NAALADL2: variants seen among roughly 807,000 people sequenced by gnomAD.
NAALADL2 encodes the protein N-acetylated alpha-linked acidic dipeptidase like 2.
NAALADL2 carries 76 observed loss-of-function variants against 87.2 expected under a neutral mutation model. That is an observed-to-expected ratio of 0.87 (90% CI 0.72 to 1.05). The LOEUF is 1.05. Among genes scored for constraint, NAALADL2 ranks in the 50% least tolerant of loss-of-function variants. NAALADL2 has a pLI of 0.00. For synonymous variants in NAALADL2, 354 were observed against 331.0 expected, an observed-to-expected ratio of 1.07 and a Z score of -0.75; for missense variants, 1,089 against 945.8, an observed-to-expected ratio of 1.15 and a Z score of -1.99.
At chr3:175,406,691 T>C (rs1225987431) in intron 5 of NAALADL2, among the ~76,000 whole-genome samples, 3 of 152,190 alleles carry the variant, frequency 2.0e-5, no homozygotes. Flanking sequence ...CTATCCTGTA[T>C]ATATACCATC....
intron 3 of NAALADL2, among the ~76,000 whole-genome samples, chr3:175,239,945 C>T (rs1246907843): frequency 2.0e-5 from 3 of 152,018 alleles, no homozygotes; most frequent in Non-Finnish European, 4.4e-5. Flanking sequence ...TGTAAAAAGT[C>T]GACACATTTA....
intron 2 of NAALADL2, among the ~76,000 whole-genome samples, chr3:175,119,524 CAG>C (rs1187397991): frequency 2.7e-5 from 4 of 149,474 alleles, no homozygotes; most frequent in African/African-American, 4.9e-5. Context: ...GAGGCAGAGA[CAG>C]AGAGGGAGAG....
intron 2 of NAALADL2, among the ~76,000 whole-genome samples, chr3:174,624,366 G>A (rs568393044): frequency 3.4e-4 from 52 of 152,288 alleles, no homozygotes; most frequent in African/African-American, 1.2e-3. Flanking sequence ...GCTCACGCCT[G>A]TAATTCCAGC....
intron 2 of NAALADL2, among the ~76,000 whole-genome samples, chr3:174,609,508 T>C (rs893781157): frequency 7.2e-5 from 11 of 152,084 alleles, no homozygotes; most frequent in African/African-American, 2.2e-4. Flanking sequence ...CAAGCATTCT[T>C]ATACACCAAT....
At chr3:175,261,220 C>A (rs541422899) in intron 4 of NAALADL2, among the ~76,000 whole-genome samples, 8 of 152,168 alleles carry the variant, frequency 5.3e-5, no homozygotes, top group Middle Eastern at 3.4e-3. Context: ...CAACCTGACA[C>A]ATAGTAAAAC....
chr3:175,310,578 C>G (rs1758242116), intron 4 of NAALADL2, among the ~76,000 whole-genome samples: 1 of 151,704 alleles, frequency 6.6e-6, no homozygotes, highest in Admixed American at 6.6e-5. Flanking sequence ...ATTATATATA[C>G]TCTTAGTTAA....
intron 1 of NAALADL2, among the ~76,000 whole-genome samples, chr3:175,013,149 ATATT>A (rs1750236620): frequency 1.6e-5 from 2 of 127,814 alleles, no homozygotes; most frequent in East Asian, 2.1e-4. Context: ...TATGTAATAC[ATATT>A]TATATATAAA....
intron 1 of NAALADL2, among the ~76,000 whole-genome samples, chr3:174,469,454 A>G (rs1424334359): frequency 6.7e-6 from 1 of 148,378 alleles, no homozygotes. Context: ...TTTGAGATGG[A>G]GTCTCGCTCT....
intron 3 of NAALADL2, among the ~76,000 whole-genome samples, chr3:174,811,945 TTAAG>T (rs1446508654): frequency 1.3e-5 from 2 of 152,132 alleles, no homozygotes; most frequent in East Asian, 3.9e-4. Flanking sequence ...TCTGCCTTTT[TTAAG>T]TTTGTGGCAC....
At chr3:175,767,829 A>T (rs1748936259) in intron 13 of NAALADL2, among the ~76,000 whole-genome samples, 1 of 152,144 alleles carries the variant, frequency 6.6e-6, no homozygotes, top group African/African-American at 2.4e-5. Flanking sequence ...CAGCTCTCGG[A>T]GAAATTCTAT....
chr3:175,062,400 CT>C (rs146854864), intron 1 of NAALADL2, among the ~76,000 whole-genome samples: 3,501 of 151,486 alleles, frequency 0.023, 140 homozygotes, highest in African/African-American at 0.081. Flanking sequence ...TGAACTTGGG[CT>C]TGTGACACCA....
rs1374505686 is a variant in NAALADL2 at position 174,849,158 on chromosome 3, C to T, written c.-9+111412C>T. On this transcript the variant is annotated intron_variant, in intron 3 of 3. Coordinates refer to the NAALADL2 transcript ENST00000434257. ...GGTGAGTGAATGCAAAGAACTAGGA[C>T]ATTACTGTAAACTACTATGGACTTT... is the stretch of plus-strand genomic sequence containing the variant. 2.6e-5 allele frequency among the ~76,000 whole-genome samples: 4 copies of T among 152,242 alleles called. No individual in the cohort carries two copies. The East Asian group carries it at 7.7e-4, about 29-fold the overall frequency.
At chr3:175,730,746 T>C (rs951655214) in intron 11 of NAALADL2, among the ~76,000 whole-genome samples, 17 of 151,994 alleles carry the variant, frequency 1.1e-4, no homozygotes, top group Non-Finnish European at 2.5e-4. Flanking sequence ...TTTAGTTCTT[T>C]ACAGTTTTTC....
chr3:174,658,295 T>TA (rs1324432031), intron 2 of NAALADL2, among the ~76,000 whole-genome samples: 1 of 152,164 alleles, frequency 6.6e-6, no homozygotes, highest in Non-Finnish European at 1.5e-5. Flanking sequence ...ATGCCAGTGT[T>TA]ACGCATTTTC....
intron 11 of NAALADL2, among the ~76,000 whole-genome samples, chr3:175,699,040 A>C (rs1738603710): frequency 6.6e-6 from 1 of 151,978 alleles, no homozygotes; most frequent in South Asian, 2.1e-4. Flanking sequence ...TGCACTCCAA[A>C]GTTTGGCCCA....
intron 3 of NAALADL2, among the ~76,000 whole-genome samples, chr3:174,785,695 T>C (rs1003478075): frequency 2.0e-5 from 3 of 152,280 alleles, no homozygotes; most frequent in East Asian, 3.9e-4. Context: ...CATTAAGATG[T>C]AGGCTTTAAA....
chr3:174,844,652 T>A (rs1724385950), intron 3 of NAALADL2, among the ~76,000 whole-genome samples: 1 of 152,002 alleles, frequency 6.6e-6, no homozygotes, highest in African/African-American at 2.4e-5. Context: ...CACTTGTTTG[T>A]GTTTTCTTCA....
At chr3:175,780,542 T>C (rs1750905885) in intron 13 of NAALADL2, among the ~76,000 whole-genome samples, 1 of 149,412 alleles carries the variant, frequency 6.7e-6, no homozygotes, top group African/African-American at 2.6e-5. Context: ...GATTTTTCTC[T>C]GAGCAGATGC....
intron 2 of NAALADL2, among the ~76,000 whole-genome samples, chr3:174,709,923 C>A (rs1730457284): frequency 6.6e-6 from 1 of 152,144 alleles, no homozygotes; most frequent in South Asian, 2.1e-4. Context: ...TGACTAACTT[C>A]AATGTGTGTG....
Sources: allele counts gnomAD v4.1 joint callset (sites outside exome capture counted in the v4.1 genomes callset), GRCh38; gene constraint gnomAD v4.1.1; transcripts MANE v1.5; gene names NCBI Gene and HGNC (gene_info 2026-07-23, HGNC 2026-07-21).